The following PLXNC1 variants were observed in gnomAD, a reference collection of about 807,000 sequenced individuals.
PLXNC1 encodes plexin-C1.
PLXNC1 carries 75 observed loss-of-function variants against 178.2 expected under a neutral mutation model. That is an observed-to-expected ratio of 0.42 (90% CI 0.35 to 0.51). The LOEUF (loss-of-function observed/expected upper bound fraction) is 0.51, where lower values mean the gene tolerates loss of function less well. Ranked by LOEUF, PLXNC1 falls within the 20% of genes least tolerant of loss-of-function variation. The pLI, the probability that PLXNC1 is intolerant of heterozygous loss-of-function variation, is 0.02. For missense variants in PLXNC1, 1,503 were observed against 1,984.4 expected (o/e 0.76, Z 4.61); for synonymous variants, 790 against 779.9 (o/e 1.01, Z -0.22).
chr12:94,251,956 G>A (rs1000019017), intron 15 of PLXNC1, among the ~76,000 whole-genome samples: 1 of 152,178 alleles, frequency 6.6e-6, no homozygotes, highest in African/African-American at 2.4e-5. Flanking sequence ...TCACACCACT[G>A]CACTCCAGCC....
At position 94,220,121 on chromosome 12, in the gene PLXNC1, C is replaced by T. The variant is rs146510015; in HGVS notation, c.1660C>T (p.Arg554Trp). The change falls in exon 6 of 31, where the codon CGG (arginine) becomes TGG (tryptophan). Residue 554 changes from arginine (R) to tryptophan (W), a missense_variant. Arg to Trp is a moderately radical substitution (Grantham distance 101). Coordinates refer to ENST00000258526, the MANE Select transcript of PLXNC1 (RefSeq NM_005761.3). ...ELCQNKSQPN[R>W]TCTCSIPTRA... ...CTGCCAGAATAAAAGTCAGCCCAAC[C>T]GGACCTGCACCTGTAGCATCCCAAC... 377 of 1,613,838 alleles carry T rather than the reference C, an allele frequency of 2.3e-4. No homozygotes were observed. The highest frequency in any genetic ancestry group is 2.9e-4 in the Non-Finnish European group (348 of 1,179,938).
intron 21 of PLXNC1, among the ~76,000 whole-genome samples, chr12:94,271,789 T>C (rs190070587): frequency 5.3e-5 from 8 of 152,364 alleles, no homozygotes; most frequent in South Asian, 4.1e-4. Context: ...TCTTGTCTCC[T>C]GTAAGCTTCA....
At chr12:94,256,466 AACT>A (rs977923448) in intron 17 of PLXNC1, among the ~76,000 whole-genome samples, 1 of 151,970 alleles carries the variant, frequency 6.6e-6, no homozygotes, top group African/African-American at 2.4e-5. Flanking sequence ...TGTTTCCTTT[AACT>A]TATCCTCCAA....
intron 21 of PLXNC1, among the ~76,000 whole-genome samples, chr12:94,270,448 T>C (rs1385070759): frequency 6.6e-6 from 1 of 152,150 alleles, no homozygotes; most frequent in Non-Finnish European, 1.5e-5. Context: ...TAGTAGAGAA[T>C]AGGAACCAGA....
chr12:94,276,520 A>C (rs956550736), intron 21 of PLXNC1, among the ~76,000 whole-genome samples: 2 of 152,192 alleles, frequency 1.3e-5, no homozygotes, highest in Non-Finnish European at 2.9e-5. Flanking sequence ...GGCATAGCCG[A>C]GGGGTTTGTG....
intron 2 of PLXNC1, among the ~76,000 whole-genome samples, chr12:94,177,203 ATATATATATGTGTGTG>A (rs1962117554): frequency 9.1e-5 from 4 of 43,774 alleles, no homozygotes; most frequent in African/African-American, 4.5e-4. Context: ...ATATATACGT[ATATATATATGTGTGTG>A]TATATATATA....
At chr12:94,275,837 A>G (rs1156616988) in intron 21 of PLXNC1, among the ~76,000 whole-genome samples, 1 of 78,342 alleles carries the variant, frequency 1.3e-5, no homozygotes, top group African/African-American at 5.5e-5. Flanking sequence ...CCTGGGCGAC[A>G]GAGCGAGACT....
At chr12:94,198,569 G>A (rs1327331701) in intron 4 of PLXNC1, among the ~76,000 whole-genome samples, 4 of 152,128 alleles carry the variant, frequency 2.6e-5, no homozygotes, top group Non-Finnish European at 5.9e-5. Context: ...AGTTTCCCAA[G>A]GCTGCCATAA....
chr12:94,255,416 T>A, intron 17 of PLXNC1, 120 bp downstream of exon 17: 1 of 717,998 alleles, frequency 1.4e-6, no homozygotes, highest in East Asian at 2.7e-5. Context: ...GGTACAAAAA[T>A]AATGGCTTAA....
At chr12:94,264,385 AG>A (rs1465748521) in intron 20 of PLXNC1, among the ~76,000 whole-genome samples, 1 of 152,186 alleles carries the variant, frequency 6.6e-6, no homozygotes, top group African/African-American at 2.4e-5. Flanking sequence ...GAGTGTTTGG[AG>A]AAAAACCTTA....
rs772793582 is a variant in PLXNC1 at position 94,149,673 on chromosome 12, C to T, written c.702C>T (p.Phe234=). Residue 234 remains phenylalanine (F), a synonymous_variant, in exon 1 of 31, where the codon TTC becomes TTT. Transcript: ENST00000258526. ...GCGAGGGCGCGGGCAGCCTGCACTTCGTGGACGCCTTTCTCTGGAACGGCA... is the reference window on the plus strand; with the variant it reads ...GCGAGGGCGCGGGCAGCCTGCACTTTGTGGACGCCTTTCTCTGGAACGGCA... ...KLCEGAGSLH[F]VDAFLWNGSI... is the part of the protein sequence containing the mutation. 6.2e-7 allele frequency: 1 copy of T among 1,609,536 alleles called. No individual in the cohort carries two copies. The highest frequency in any genetic ancestry group is 8.5e-7 in the Non-Finnish European group (1 of 1,178,156).
rs564173125 is a variant in PLXNC1, at chr12:94,157,847, C to A, written c.1062+7814C>A. On this transcript the variant is annotated intron_variant, in intron 1 of 30. Coordinates refer to ENST00000258526, the MANE Select transcript of PLXNC1 (RefSeq NM_005761.3). ...TCTGCTGCTGTAGTGTGAACACAGCCATGGACAATACATAAATGAGCAGGT... is the reference window on the plus strand; with the variant it reads ...TCTGCTGCTGTAGTGTGAACACAGCAATGGACAATACATAAATGAGCAGGT... Among the ~76,000 whole-genome samples, 22 of 152,252 alleles carry A rather than the reference C, an allele frequency of 1.4e-4. No individual in the cohort carries two copies. In the East Asian group the frequency reaches 4.1e-3, roughly 28 times the overall value.
At chr12:94,217,197 G>A (rs1269675082) in intron 5 of PLXNC1, among the ~76,000 whole-genome samples, 1 of 152,112 alleles carries the variant, frequency 6.6e-6, no homozygotes, top group Non-Finnish European at 1.5e-5. Flanking sequence ...CTGTTAGCCA[G>A]CATTCTTGAA....
rs115487257 is a variant in PLXNC1, at chr12:94,283,484, C to T, written c.3879+1083C>T. 4.9e-3 allele frequency among the ~76,000 whole-genome samples: 746 copies of T among 152,296 alleles called. 6 individuals carry two copies. Among genetic ancestry groups the T allele is most frequent in the African/African-American group, 0.017 (716 of 41,540 alleles). ...TGTAACTGCCCAACAGGTTCACCTTCCCCATTGCCTAGACAGAGCTGATTT... is the reference window on the plus strand; with the variant it reads ...TGTAACTGCCCAACAGGTTCACCTTTCCCATTGCCTAGACAGAGCTGATTT... On this transcript the variant is annotated intron_variant, in intron 23 of 30. Coordinates refer to ENST00000258526, the MANE Select transcript of PLXNC1 (RefSeq NM_005761.3).
chr12:94,186,479 T>A lies in PLXNC1; in HGVS notation c.1439+6T>A. On this transcript the variant is annotated splice_donor_region_variant and intron_variant, in intron 4 of 30. Transcript: ENST00000258526. ...TGGTGCCATTCGCTACAAAGGTATC[T>A]CCTGAATTCTTTCTCACCAACTCGC... 6.3e-7 allele frequency: 1 copy of A among 1,589,766 alleles called. No homozygotes were observed. Among genetic ancestry groups the A allele is most frequent in the Non-Finnish European group, 8.6e-7 (1 of 1,157,824 alleles).
At chr12:94,180,523 G>A (rs1420499516) in intron 2 of PLXNC1, among the ~76,000 whole-genome samples, 1 of 152,084 alleles carries the variant, frequency 6.6e-6, no homozygotes, top group African/African-American at 2.4e-5. Flanking sequence ...TCCCCATTTT[G>A]TTCACTGCCA....
At chr12:94,185,709 C>T (rs1205622764) in intron 3 of PLXNC1, among the ~76,000 whole-genome samples, 1 of 152,234 alleles carries the variant, frequency 6.6e-6, no homozygotes, top group Non-Finnish European at 1.5e-5. Context: ...CGGCGCTGCC[C>T]CTGGCAGGGG....
rs142822946 is a variant in PLXNC1 at position 94,295,575 on chromosome 12, C to T, written c.3934+1035C>T. On this transcript the variant is annotated intron_variant, in intron 24 of 30. Transcript: ENST00000258526. ...GTTTCCATTCACTGCAACTGAGAGC[C>T]ACCGTCTTACACCCTGCTAATACTC... Among the ~76,000 whole-genome samples the T allele has an allele frequency of 7.9e-5, 12 of 152,238 alleles. No homozygotes were observed. In the East Asian group the frequency reaches 2.1e-3, roughly 27 times the overall value.
chr12:94,166,280 A>C (rs1961606275), intron 1 of PLXNC1, among the ~76,000 whole-genome samples: 1 of 149,282 alleles, frequency 6.7e-6, no homozygotes, highest in South Asian at 2.1e-4. Context: ...AAACTCACCC[A>C]GTCCTCATAA....
Sources: allele counts gnomAD v4.1 joint callset (sites outside exome capture counted in the v4.1 genomes callset), GRCh38; gene constraint gnomAD v4.1.1; transcripts MANE v1.5; gene names NCBI Gene and HGNC (gene_info 2026-07-23, HGNC 2026-07-21).